The following HMG20A variants were observed in gnomAD, a reference collection of about 807,000 sequenced individuals.
The protein encoded by HMG20A is high mobility group 20A, also known as high mobility group protein 20A.
In HMG20A, 17 loss-of-function variants were observed where a neutral mutation model predicts 43.9. That is an observed-to-expected ratio of 0.39 (90% CI 0.27 to 0.58). The LOEUF is 0.58. Among genes scored for constraint, HMG20A ranks in the 20% least tolerant of loss-of-function variants. The pLI is 0.59. For synonymous variants in HMG20A, 132 were observed against 147.5 expected, an observed-to-expected ratio of 0.89 and a Z score of 0.76; for missense variants, 341 against 438.2, an observed-to-expected ratio of 0.78 and a Z score of 1.98.
At chr15:77,466,168 G>A (rs759379932) in intron 3 of HMG20A, among the ~76,000 whole-genome samples, 2 of 152,154 alleles carry the variant, frequency 1.3e-5, no homozygotes, top group Non-Finnish European at 2.9e-5. Context: ...ATCACCTGAG[G>A]TCAGGAGTTC....
intron 1 of HMG20A, among the ~76,000 whole-genome samples, chr15:77,450,343 G>T (rs2073722979): frequency 6.6e-6 from 1 of 151,982 alleles, no homozygotes; most frequent in Admixed American, 6.6e-5. Flanking sequence ...GATATGTTGG[G>T]GATAAGACCC....
At chr15:77,478,572 G>A in intron 8 of HMG20A, 62 bp downstream of exon 8, 1 of 1,331,764 alleles carries the variant, frequency 7.5e-7, no homozygotes, top group Middle Eastern at 2.5e-4. Flanking sequence ...GGAGTGGGGT[G>A]CTGTTTATGT....
At chr15:77,482,695 T>G (rs1321287057) in intron 9 of HMG20A, 1 of 152,198 alleles carries the variant, frequency 6.6e-6, no homozygotes, top group African/African-American at 2.4e-5. Flanking sequence ...TTTCTGTGTT[T>G]AGCTGATGAT....
intron 2 of HMG20A, among the ~76,000 whole-genome samples, chr15:77,460,299 C>T (rs1359751237): frequency 2.0e-5 from 3 of 151,954 alleles, no homozygotes; most frequent in African/African-American, 7.3e-5. Context: ...CAGAATTTGC[C>T]TGAAAGAAAG....
At chr15:77,422,512 A>G (rs1386467714) in intron 1 of HMG20A, among the ~76,000 whole-genome samples, 5 of 152,150 alleles carry the variant, frequency 3.3e-5, no homozygotes, top group Admixed American at 3.3e-4. Context: ...GCTACTCAGG[A>G]GGCTGAGGCA....
At chr15:77,440,895 T>A (rs942392934) in intron 1 of HMG20A, among the ~76,000 whole-genome samples, 2 of 152,190 alleles carry the variant, frequency 1.3e-5, no homozygotes, top group Non-Finnish European at 1.5e-5. Flanking sequence ...TGGATCAGTT[T>A]GTTCACTATA....
the HMG20A span, among the ~76,000 whole-genome samples, chr15:77,503,252 T>C: frequency 6.6e-6 from 1 of 152,136 alleles, no homozygotes; most frequent in Non-Finnish European, 1.5e-5. Flanking sequence ...TGGGCTGGAC[T>C]CCAGTCCCAG....
intron 2 of HMG20A, among the ~76,000 whole-genome samples, chr15:77,462,490 C>T (rs757171060): frequency 6.6e-6 from 1 of 152,008 alleles, no homozygotes; most frequent in Non-Finnish European, 1.5e-5. Flanking sequence ...TCTTTATGCC[C>T]TTTTGTTCCA....
At chr15:77,443,394 T>G (rs1199734971) in intron 1 of HMG20A, among the ~76,000 whole-genome samples, 3 of 147,070 alleles carry the variant, frequency 2.0e-5, no homozygotes, top group African/African-American at 7.5e-5. Context: ...TTATTATTAT[T>G]ATTATTATTA....
chr15:77,513,539 C>T, the HMG20A span, among the ~76,000 whole-genome samples: 4 of 152,104 alleles, frequency 2.6e-5, no homozygotes, highest in East Asian at 1.9e-4. Context: ...ATAGTTCTGG[C>T]GGCTGGAAGT....
the HMG20A span, among the ~76,000 whole-genome samples, chr15:77,497,723 G>C: frequency 3.3e-5 from 5 of 151,782 alleles, no homozygotes; most frequent in African/African-American, 1.2e-4. Context: ...GTGAAACGTA[G>C]GGTGGAGATA....
chr15:77,498,469 G>T, the HMG20A span, among the ~76,000 whole-genome samples: 199 of 152,268 alleles, frequency 1.3e-3, no homozygotes, highest in African/African-American at 4.6e-3. Context: ...AACCAGAAAT[G>T]ATATTCCTCT....
the HMG20A span, among the ~76,000 whole-genome samples, chr15:77,518,281 C>T: frequency 2.0e-5 from 3 of 152,196 alleles, no homozygotes; most frequent in Non-Finnish European, 4.4e-5. Context: ...AGGTGAGCAT[C>T]TGTGATCAGC....
chr15:77,498,171 A>G, the HMG20A span, among the ~76,000 whole-genome samples: 162 of 152,308 alleles, frequency 1.1e-3, no homozygotes, highest in African/African-American at 3.8e-3. Context: ...CATGCAGCAC[A>G]CAGCCCTTTC....
downstream of HMG20A, chr15:77,485,692 G>C (rs1239254011): frequency 6.6e-6 from 1 of 152,176 alleles, no homozygotes; most frequent in Non-Finnish European, 1.5e-5. Flanking sequence ...CCAACACTTT[G>C]GAAGGCCAAG....
intron 3 of HMG20A, among the ~76,000 whole-genome samples, chr15:77,466,694 A>G (rs1280125310): frequency 2.0e-5 from 3 of 152,206 alleles, no homozygotes; most frequent in African/African-American, 7.2e-5. Flanking sequence ...ACAATGCTGC[A>G]TGTGCTGCTG....
At chr15:77,431,220 A>G (rs1221757636) in intron 1 of HMG20A, among the ~76,000 whole-genome samples, 2 of 151,668 alleles carry the variant, frequency 1.3e-5, no homozygotes, top group Non-Finnish European at 1.5e-5. Flanking sequence ...ATTTTATTTT[A>G]TTTTATTTTG....
chr15:77,496,127 G>C, the HMG20A span, among the ~76,000 whole-genome samples: 3 of 152,174 alleles, frequency 2.0e-5, no homozygotes, highest in Non-Finnish European at 1.5e-5. Flanking sequence ...TTTCTGGGTG[G>C]GAGGAGGGGC....
intron 6 of HMG20A, among the ~76,000 whole-genome samples, chr15:77,476,486 GAAAAAAAAAAAAAAAA>G (rs148901766): frequency 6.1e-5 from 5 of 81,428 alleles, no homozygotes; most frequent in African/African-American, 1.3e-4. Context: ...CTCCCTCTCA[GAAAAAAAAAAAAAAAA>G]AAAAAAAAAA....
Sources: allele counts gnomAD v4.1 joint callset (sites outside exome capture counted in the v4.1 genomes callset), GRCh38; gene constraint gnomAD v4.1.1; transcripts MANE v1.5; gene names NCBI Gene and HGNC (gene_info 2026-07-23, HGNC 2026-07-21).